ATP9B: variants seen among roughly 807,000 people sequenced by gnomAD.
ATP9B encodes ATPase phospholipid transporting 9B, also known as probable phospholipid-transporting ATPase IIB.
ATP9B carries 110 observed loss-of-function variants against 146.1 expected under a neutral mutation model. That is an observed-to-expected ratio of 0.75 (90% CI 0.65 to 0.88). The LOEUF is 0.88. ATP9B is among the 40% of genes least tolerant of loss of function. The pLI, the probability that ATP9B is intolerant of heterozygous loss-of-function variation, is 0.00. For synonymous variants in ATP9B, 604 were observed against 569.7 expected (o/e 1.06, Z -0.86); for missense variants, 1,499 against 1,496.4 (o/e 1.00, Z -0.03).
At chr18:79,198,391 C>T (rs2095436078) in intron 9 of ATP9B, among the ~76,000 whole-genome samples, 1 of 152,136 alleles carries the variant, frequency 6.6e-6, no homozygotes, top group Non-Finnish European at 1.5e-5. Flanking sequence ...CATTTCAGAA[C>T]ATAATGAGAA....
At chr18:79,131,459 C>CA (rs1286079121) in intron 5 of ATP9B, among the ~76,000 whole-genome samples, 1 of 152,144 alleles carries the variant, frequency 6.6e-6, no homozygotes, top group Non-Finnish European at 1.5e-5. Flanking sequence ...GAGGGAAGTG[C>CA]AAATCTCTAT....
intron 25 of ATP9B, chr18:79,352,971 G>A (rs2096930481): frequency 6.6e-6 from 1 of 152,252 alleles, no homozygotes; most frequent in South Asian, 2.1e-4. Context: ...TTTTTAAGAT[G>A]AAAGATTTGA....
At chr18:79,312,001 AT>A (rs2096655129) in intron 15 of ATP9B, among the ~76,000 whole-genome samples, 1 of 152,152 alleles carries the variant, frequency 6.6e-6, no homozygotes, top group South Asian at 2.1e-4. Flanking sequence ...CAAACCCGTA[AT>A]GCCTTCTGTT....
chr18:79,262,803 G>A (rs1256945983), intron 12 of ATP9B, among the ~76,000 whole-genome samples: 2 of 152,170 alleles, frequency 1.3e-5, no homozygotes, highest in Non-Finnish European at 2.9e-5. Flanking sequence ...GAGTTAAGGT[G>A]CCATACACGC....
intron 17 of ATP9B, among the ~76,000 whole-genome samples, chr18:79,333,892 A>C (rs2096804996): frequency 6.6e-6 from 1 of 152,184 alleles, no homozygotes; most frequent in Non-Finnish European, 1.5e-5. Context: ...CTTTGTAAAC[A>C]TGGTTAAAAT....
intron 1 of ATP9B, among the ~76,000 whole-genome samples, chr18:79,073,642 G>A (rs1451220907): frequency 2.0e-5 from 3 of 151,928 alleles, no homozygotes; most frequent in Non-Finnish European, 4.4e-5. Flanking sequence ...GAGGGAGGGG[G>A]GAGACCGTGG....
chr18:79,276,453 T>C (rs912701557), intron 12 of ATP9B, among the ~76,000 whole-genome samples: 1 of 152,280 alleles, frequency 6.6e-6, no homozygotes, highest in Non-Finnish European at 1.5e-5. Flanking sequence ...CCATTTGTTC[T>C]GTTTTCCAGT....
chr18:79,322,885 C>T (rs1232674950), intron 15 of ATP9B, among the ~76,000 whole-genome samples: 6 of 152,132 alleles, frequency 3.9e-5, no homozygotes, highest in African/African-American at 9.7e-5. Context: ...AGAGTCAGAC[C>T]GTCCTGAAAT....
intron 11 of ATP9B, among the ~76,000 whole-genome samples, chr18:79,242,363 C>A (rs1599207172): frequency 6.6e-6 from 1 of 152,214 alleles, no homozygotes; most frequent in East Asian, 1.9e-4. Flanking sequence ...GAAGTCTAAA[C>A]TGTCCCCCGT....
intron 12 of ATP9B, among the ~76,000 whole-genome samples, chr18:79,266,249 T>G (rs757710069): frequency 5.3e-5 from 8 of 152,134 alleles, no homozygotes; most frequent in Non-Finnish European, 1.2e-4. Context: ...TAAATATCGT[T>G]CTTAAAGGAA....
At chr18:79,297,411 C>T (rs190588334) in intron 13 of ATP9B, among the ~76,000 whole-genome samples, 1,860 of 152,310 alleles carry the variant, frequency 0.012, 19 homozygotes, top group Non-Finnish European at 0.019. Context: ...GAGACACAGA[C>T]GACCCAGACA....
intron 5 of ATP9B, among the ~76,000 whole-genome samples, chr18:79,137,240 T>C (rs1181236266): frequency 6.6e-6 from 1 of 152,234 alleles, no homozygotes; most frequent in Non-Finnish European, 1.5e-5. Flanking sequence ...CTGCTAATTA[T>C]AACATTTGTG....
intron 5 of ATP9B, among the ~76,000 whole-genome samples, chr18:79,131,423 G>A (rs575560645): frequency 4.7e-4 from 71 of 152,168 alleles, no homozygotes; most frequent in Non-Finnish European, 9.0e-4. Flanking sequence ...CATGTGAAAC[G>A]ACAGTCAGTC....
At chr18:79,246,814 C>T (rs1431770023) in intron 11 of ATP9B, among the ~76,000 whole-genome samples, 1 of 152,188 alleles carries the variant, frequency 6.6e-6, no homozygotes, top group African/African-American at 2.4e-5. Context: ...ACGTGAGCAC[C>T]GCAGCGGTGA....
At chr18:79,337,749 C>T (rs2096835667) in intron 19 of ATP9B, among the ~76,000 whole-genome samples, 1 of 152,214 alleles carries the variant, frequency 6.6e-6, no homozygotes, top group Non-Finnish European at 1.5e-5. Context: ...TGCCACATGC[C>T]ATTTCCCAGG....
chr18:79,180,748 T>TCACTA (rs2095241666), intron 8 of ATP9B, among the ~76,000 whole-genome samples: 2 of 151,926 alleles, frequency 1.3e-5, no homozygotes, highest in Non-Finnish European at 2.9e-5. Flanking sequence ...CTAGAGATTG[T>TCACTA]CAGTTTTTGT....
chr18:79,214,042 G>C lies in ATP9B; in HGVS notation c.1107+4G>C, dbSNP rs369855902. 3.3e-5 allele frequency: 53 copies of C among 1,586,726 alleles called. No homozygotes were observed. The highest frequency in any genetic ancestry group is 1.1e-4 in the Admixed American group (6 of 52,614). On this transcript the variant is annotated splice_donor_region_variant and intron_variant, in intron 11 of 29. Transcript: ENST00000426216. The stretch of plus-strand genomic sequence containing the variant: ...CACATCCAATCCAAAAAATAAGGTA[G>C]GCTAGATTGAGGAGCAACTGCTTTA...
chr18:79,283,710 G>A (rs1421088795), intron 13 of ATP9B, among the ~76,000 whole-genome samples: 1 of 152,200 alleles, frequency 6.6e-6, no homozygotes, highest in Non-Finnish European at 1.5e-5. Context: ...TCTGTGAACT[G>A]CAAGGATGCA....
chr18:79,143,348 C>T (rs2094537132), intron 5 of ATP9B, among the ~76,000 whole-genome samples: 1 of 152,110 alleles, frequency 6.6e-6, no homozygotes, highest in Admixed American at 6.5e-5. Flanking sequence ...GTTGGTAAAG[C>T]TATTGATAGA....
Sources: gnomAD v4.1 joint callset for allele counts (sites outside exome capture counted in the v4.1 genomes callset) on GRCh38, gnomAD v4.1.1 for gene constraint, MANE v1.5 for transcripts, NCBI Gene and HGNC (gene_info 2026-07-23, HGNC 2026-07-21) for gene names.